INVS: variants seen among roughly 807,000 people sequenced by gnomAD.
INVS encodes inversion of embryo turning homolog.
In INVS, 86 loss-of-function variants were observed where a neutral mutation model predicts 108.8. The observed-to-expected ratio is 0.79, with a 90% confidence interval of 0.66 to 0.95. The LOEUF is 0.95. Ranked by LOEUF, INVS falls within the 40% of genes least tolerant of loss-of-function variation. INVS has a pLI of 0.00. For synonymous variants in INVS, 455 were observed against 473.5 expected, an observed-to-expected ratio of 0.96 and a Z score of 0.51; for missense variants, 1,169 against 1,297.4, an observed-to-expected ratio of 0.90 and a Z score of 1.52.
In INVS at chr9:100,273,699, G is replaced by A. The variant is rs551414172; in HGVS notation, c.1784+623G>A. Among the ~76,000 whole-genome samples the A allele has an allele frequency of 2.6e-5, 4 of 151,166 alleles. No homozygotes were observed. The East Asian group carries it at 8.0e-4, about 30-fold the overall frequency. Reference sequence around the variant, plus strand: ...ACTACAGGCGCGCGCCACCACACCCGGGTAATTTTTGTATTTTTAGTAGAG... The same window carrying A: ...ACTACAGGCGCGCGCCACCACACCCAGGTAATTTTTGTATTTTTAGTAGAG... On this transcript the variant is annotated intron_variant, in intron 12 of 16. Transcript: ENST00000262457.
intron 13 of INVS, 134 bp from the exon 14 acceptor site, chr9:100,292,192 G>A (rs745536254): frequency 4.2e-5 from 35 of 839,856 alleles, no homozygotes; most frequent in Admixed American, 1.8e-4. Flanking sequence ...AAGTTAAACC[G>A]TTTTTTTCCT....
At chr9:100,154,794 C>G (rs1056323911) in intron 3 of INVS, among the ~76,000 whole-genome samples, 4 of 152,048 alleles carry the variant, frequency 2.6e-5, no homozygotes, top group Non-Finnish European at 5.9e-5. Flanking sequence ...AATGAAGACT[C>G]TTACCTAAAG....
At chr9:100,100,242 A>T (rs1011078405) in intron 1 of INVS, among the ~76,000 whole-genome samples, 1 of 151,938 alleles carries the variant, frequency 6.6e-6, no homozygotes, top group African/African-American at 2.4e-5. Flanking sequence ...CTTAAGAAAA[A>T]AAAAGAGCCC....
intron 3 of INVS, among the ~76,000 whole-genome samples, chr9:100,138,700 C>CTTTTTTT (rs36096327): frequency 2.5e-4 from 31 of 124,896 alleles, no homozygotes; most frequent in East Asian, 7.5e-4. Flanking sequence ...TGATGGTTTC[C>CTTTTTTT]TTTTTTTTTT....
chr9:100,107,380 G>A (rs1588002701), intron 2 of INVS, among the ~76,000 whole-genome samples: 2 of 152,116 alleles, frequency 1.3e-5, no homozygotes, highest in East Asian at 1.9e-4. Flanking sequence ...ACTAAAAAAT[G>A]TATGTATATT....
chr9:100,211,548 T>C (rs1260441741), intron 3 of INVS, among the ~76,000 whole-genome samples: 2 of 152,190 alleles, frequency 1.3e-5, no homozygotes, highest in Non-Finnish European at 2.9e-5. Flanking sequence ...CCTTCTCTCA[T>C]TTGTGCTGTT....
At chr9:100,139,492 C>T (rs755071042) in intron 3 of INVS, among the ~76,000 whole-genome samples, 3 of 152,206 alleles carry the variant, frequency 2.0e-5, no homozygotes, top group Non-Finnish European at 4.4e-5. Flanking sequence ...ATATTTCCAG[C>T]TATCTTCTAG....
chr9:100,196,523 G>A (rs961567720), intron 3 of INVS, among the ~76,000 whole-genome samples: 4 of 151,952 alleles, frequency 2.6e-5, no homozygotes, highest in African/African-American at 9.7e-5. Flanking sequence ...CTGGGTGCCT[G>A]GACTTTCCCT....
chr9:100,283,560 C>T (rs1477896558), intron 12 of INVS, among the ~76,000 whole-genome samples: 1 of 152,290 alleles, frequency 6.6e-6, no homozygotes, highest in East Asian at 1.9e-4. Context: ...GCCCCTTTGT[C>T]TTGAGTTAGG....
rs1438007631 is a variant in INVS at position 100,274,598 on chromosome 9, G to A, written c.1784+1522G>A. ...CCACTCACTGCAGCCTCCACCTCCC[G>A]GGTTCAAGCGATTCTTATGACTCAG... On this transcript the variant is annotated intron_variant, in intron 12 of 16. Transcript: ENST00000262457. 2.0e-5 allele frequency among the ~76,000 whole-genome samples: 3 copies of A among 152,234 alleles called. 1 individual carries two copies. Among genetic ancestry groups the A allele is most frequent in the South Asian group, 4.1e-4 (2 of 4,820 alleles).
At chr9:100,131,922 A>G in intron 3 of INVS, 10 of 982,634 alleles carry the variant, frequency 1.0e-5, no homozygotes, top group Non-Finnish European at 1.2e-5. Context: ...GAGAAAGAAT[A>G]CCTCTGAAAC....
chr9:100,180,622 T>C (rs1829860841), intron 3 of INVS, among the ~76,000 whole-genome samples: 1 of 152,102 alleles, frequency 6.6e-6, no homozygotes, highest in South Asian at 2.1e-4. Flanking sequence ...AGTTCTGAAA[T>C]TGAGGCAGTA....
At chr9:100,219,883 T>G (rs1317989340) in intron 3 of INVS, among the ~76,000 whole-genome samples, 1 of 103,926 alleles carries the variant, frequency 9.6e-6, no homozygotes, top group African/African-American at 6.1e-5. Context: ...CGTTTATGGA[T>G]ATATATATAT....
rs540682498 is a variant in INVS at position 100,292,706 on chromosome 9, G to A, written c.2449G>A (p.Glu817Lys). 1.9e-6 allele frequency: 3 copies of A among 1,614,050 alleles called. No homozygotes were observed. The highest frequency in any genetic ancestry group is 1.1e-5 in the South Asian group (1 of 91,084). Reference sequence around the variant, plus strand: ...TAGCCGCCCTGGCAGTGCCCGGGGGGAGGCGGTCCATGCTGGGCAGAATCC... The same window carrying A: ...TAGCCGCCCTGGCAGTGCCCGGGGGAAGGCGGTCCATGCTGGGCAGAATCC... ...GSSRPGSARG[E>K]AVHAGQNPPH... is the part of the protein sequence containing the mutation. The change falls in exon 14 of 17, where the codon GAG becomes AAG. Residue 817 changes from glutamate (E) to lysine (K), a missense_variant. Physicochemically the swap from Glu to Lys is moderately conservative, Grantham distance 56. Around this residue, in one of 3 missense-constraint regions of INVS, gnomAD observed 533 missense variants for 536.0 expected, o/e 0.99. Transcript: ENST00000262457.
At chr9:100,201,725 T>A (rs1830537797) in intron 3 of INVS, among the ~76,000 whole-genome samples, 1 of 152,242 alleles carries the variant, frequency 6.6e-6, no homozygotes, top group African/African-American at 2.4e-5. Context: ...TCCTTTACAC[T>A]AAACTGGAAA....
chr9:100,247,790 C>G (rs1457756959), intron 8 of INVS, among the ~76,000 whole-genome samples: 1 of 152,022 alleles, frequency 6.6e-6, no homozygotes, highest in Non-Finnish European at 1.5e-5. Context: ...CTATGAAAGC[C>G]TTACAGCAGA....
intron 3 of INVS, among the ~76,000 whole-genome samples, chr9:100,182,896 C>G (rs556979082): frequency 5.9e-5 from 9 of 152,224 alleles, no homozygotes; most frequent in Admixed American, 1.3e-4. Context: ...CAGTGATAGA[C>G]TGGATAAAGA....
At chr9:100,124,015 G>C (rs551424694) in intron 2 of INVS, among the ~76,000 whole-genome samples, 1 of 152,184 alleles carries the variant, frequency 6.6e-6, no homozygotes, top group East Asian at 1.9e-4. Context: ...TGCCATGTTG[G>C]CCAGGCTGGT....
intron 3 of INVS, among the ~76,000 whole-genome samples, chr9:100,142,524 T>TA (rs1023216360): frequency 2.6e-5 from 4 of 152,060 alleles, no homozygotes; most frequent in Admixed American, 1.3e-4. Context: ...ATCAGAGAGA[T>TA]ACAGTCATGA....
Sources: gnomAD v4.1 joint callset for allele counts (sites outside exome capture counted in the v4.1 genomes callset) on GRCh38, gnomAD v4.1.1 for gene constraint, gnomAD v4.1.1 regional missense constraint, MANE v1.5 for transcripts, NCBI Gene and HGNC (gene_info 2026-07-23, HGNC 2026-07-21) for gene names.